FAM209A: variants seen among roughly 807,000 people sequenced by gnomAD.
FAM209A encodes the protein protein FAM209A.
A neutral mutation model predicts 9.8 loss-of-function variants in FAM209A; 4 were observed. That is an observed-to-expected ratio of 0.41 (90% CI 0.20 to 0.94). FAM209A has a LOEUF of 0.94. FAM209A is among the 40% of genes least tolerant of loss of function. The pLI is 0.32. For missense variants in FAM209A, 205 were observed against 209.4 expected, an observed-to-expected ratio of 0.98 and a Z score of 0.13; for synonymous variants, 55 against 77.8, an observed-to-expected ratio of 0.71 and a Z score of 1.54.
downstream of FAM209A, among the ~76,000 whole-genome samples, chr20:56,530,303 A>G (rs1792551530): frequency 6.6e-6 from 1 of 152,212 alleles, no homozygotes; most frequent in Non-Finnish European, 1.5e-5. Flanking sequence ...TGTCAGGACA[A>G]AGGGAAGAGT....
downstream of FAM209A, among the ~76,000 whole-genome samples, chr20:56,527,170 G>A (rs1213218792): frequency 1.3e-5 from 2 of 151,462 alleles, no homozygotes; most frequent in Non-Finnish European, 2.9e-5. Context: ...TTCCTTCGCC[G>A]ATGATTGATG....
chr20:56,526,150 G>T lies in FAM209A; in HGVS notation c.*80G>T. 2.0e-6 allele frequency: 3 copies of T among 1,480,842 alleles called. No homozygotes were observed. The highest frequency in any genetic ancestry group is 2.4e-5 in the Admixed American group (1 of 41,584). 91.7% of individuals were successfully genotyped at this position (1,480,842 alleles called of 1,614,324 possible). A position where few individuals can be genotyped will look rare whatever the true frequency, so the allele number is the denominator to read the frequency against. ...ACTAATAAAACTATTCTGAAGAAAA[G>T]AACTTCCATGTTTGAGAGCTTGCTT... is the stretch of plus-strand genomic sequence containing the variant. On this transcript the variant is annotated 3_prime_UTR_variant, in exon 2 of 2. Coordinates refer to ENST00000371328, the MANE Select transcript of FAM209A (RefSeq NM_001012971.4).
At chr20:56,533,273 G>A in the FAM209A span, 13 of 1,594,512 alleles carry the variant, frequency 8.2e-6, no homozygotes, top group Non-Finnish European at 1.0e-5. Flanking sequence ...GGCACCAGGT[G>A]CCCAGTCTTC....
At chr20:56,527,036 T>C (rs1387268648), downstream of FAM209A, among the ~76,000 whole-genome samples, 1 of 152,244 alleles carries the variant, frequency 6.6e-6, no homozygotes, top group Admixed American at 6.5e-5. Flanking sequence ...AAAATGTGGA[T>C]ATTTTACATG....
At chr20:56,527,487 A>G (rs1985582216), downstream of FAM209A, among the ~76,000 whole-genome samples, 2 of 152,150 alleles carry the variant, frequency 1.3e-5, no homozygotes, top group Non-Finnish European at 2.9e-5. Context: ...CCTTCATTTA[A>G]TTCATCTGCA....
downstream of FAM209A, among the ~76,000 whole-genome samples, chr20:56,528,890 C>G (rs372030300): frequency 6.6e-6 from 1 of 152,130 alleles, no homozygotes; most frequent in Admixed American, 6.5e-5. Flanking sequence ...TGTGTATCAT[C>G]CCTGTTTAAT....
chr20:56,530,225 G>T (rs1985697261), downstream of FAM209A, among the ~76,000 whole-genome samples: 1 of 151,784 alleles, frequency 6.6e-6, no homozygotes, highest in South Asian at 2.1e-4. Context: ...TGCCATTTTG[G>T]CAAGGAGCAG....
chr20:56,527,271 T>C (rs1032027494), downstream of FAM209A, among the ~76,000 whole-genome samples: 1 of 152,114 alleles, frequency 6.6e-6, no homozygotes, highest in Non-Finnish European at 1.5e-5. Flanking sequence ...AGGAGCTGCT[T>C]CGGGTTGGCA....
chr20:56,525,176 C>G, intron 1 of FAM209A, 119 bp downstream of exon 1: 1 of 1,354,644 alleles, frequency 7.4e-7, no homozygotes, highest in Non-Finnish European at 1.0e-6. Context: ...CCTCATGGTC[C>G]TGGGCAAAGC....
the FAM209A span, chr20:56,533,381 C>T: frequency 3.7e-6 from 6 of 1,614,018 alleles, no homozygotes; most frequent in South Asian, 6.6e-5. Flanking sequence ...GCTTCTGTGC[C>T]TCACCTGCAG....
chr20:56,527,082 G>A (rs951248613), downstream of FAM209A, among the ~76,000 whole-genome samples: 1 of 152,144 alleles, frequency 6.6e-6, no homozygotes, highest in Non-Finnish European at 1.5e-5. Flanking sequence ...ACATACTTAG[G>A]TGCTTGCCTA....
the FAM209A span, chr20:56,533,416 G>C: frequency 1.2e-6 from 2 of 1,614,084 alleles, no homozygotes; most frequent in Non-Finnish European, 1.7e-6. Context: ...TCTCTTCTCT[G>C]AGACAGAAAA....
chr20:56,531,883 C>A, the FAM209A span, among the ~76,000 whole-genome samples: 1 of 152,148 alleles, frequency 6.6e-6, no homozygotes, highest in Admixed American at 6.5e-5. Context: ...CCCACCCTGG[C>A]CTCCCAAAGT....
downstream of FAM209A, among the ~76,000 whole-genome samples, chr20:56,526,584 G>A (rs1450710916): frequency 2.0e-5 from 3 of 151,910 alleles, no homozygotes; most frequent in East Asian, 3.9e-4. Context: ...CCTGTCAAAG[G>A]TTCCGTGTAT....
At chr20:56,525,752 C>T in intron 1 of FAM209A, 52 bp from the exon 2 acceptor site, 1 of 1,578,246 alleles carries the variant, frequency 6.3e-7, no homozygotes, top group South Asian at 1.2e-5. Context: ...CGAACTGTGT[C>T]AAAACCAACA....
At chr20:56,533,187 G>A in the FAM209A span, 10 of 1,514,696 alleles carry the variant, frequency 6.6e-6, no homozygotes, top group African/African-American at 8.3e-5. Context: ...CCTGTGACCT[G>A]TAACCTCTGT....
At chr20:56,531,570 G>A in the FAM209A span, among the ~76,000 whole-genome samples, 1 of 151,812 alleles carries the variant, frequency 6.6e-6, no homozygotes, top group African/African-American at 2.4e-5. Flanking sequence ...CAAGGTGCTG[G>A]GATTACAGGC....
chr20:56,527,600 A>G (rs1985590385), downstream of FAM209A, among the ~76,000 whole-genome samples: 1 of 152,194 alleles, frequency 6.6e-6, no homozygotes, highest in Non-Finnish European at 1.5e-5. Context: ...TCACCCTCAC[A>G]AGCATCAAAG....
downstream of FAM209A, among the ~76,000 whole-genome samples, chr20:56,527,432 G>A (rs1985579127): frequency 6.6e-6 from 1 of 152,154 alleles, no homozygotes; most frequent in South Asian, 2.1e-4. Flanking sequence ...CTTGGAGAAT[G>A]GTGACCTGCC....
Sources: allele counts gnomAD v4.1 joint callset (sites outside exome capture counted in the v4.1 genomes callset), GRCh38; gene constraint gnomAD v4.1.1; transcripts MANE v1.5; gene names NCBI Gene and HGNC (gene_info 2026-07-23, HGNC 2026-07-21).